RELN: variants seen among roughly 807,000 people sequenced by gnomAD.
RELN encodes reelin.
A neutral mutation model predicts 427.6 loss-of-function variants in RELN; 108 were observed. The observed-to-expected ratio is 0.25, with a 90% confidence interval of 0.22 to 0.30. RELN has a LOEUF of 0.30. RELN is among the 10% of genes least tolerant of loss of function. The pLI is 1.00. For synonymous variants in RELN, 1,524 were observed against 1,513.4 expected (o/e 1.01, Z -0.16); for missense variants, 3,715 against 4,302.8 (o/e 0.86, Z 3.82).
chr7:103,476,705 T>G (rs764872855), intron 64 of RELN: 6 of 388,428 alleles, frequency 1.5e-5, no homozygotes, highest in Non-Finnish European at 1.1e-5. Context: ...ACATGGTTAC[T>G]AAACAGTTAT....
chr7:103,744,623 A>G (rs528191146), intron 6 of RELN, among the ~76,000 whole-genome samples: 1 of 152,352 alleles, frequency 6.6e-6, no homozygotes, highest in Non-Finnish European at 1.5e-5. Context: ...ACCATCAGAG[A>G]ATACTATAAA....
intron 10 of RELN, among the ~76,000 whole-genome samples, chr7:103,697,136 T>G (rs958056971): frequency 6.6e-6 from 1 of 152,082 alleles, no homozygotes; most frequent in Non-Finnish European, 1.5e-5. Flanking sequence ...ACTGGAAGAT[T>G]TGATGTTCGG....
intron 11 of RELN, among the ~76,000 whole-genome samples, chr7:103,665,703 T>C (rs1443276797): frequency 2.6e-5 from 4 of 152,152 alleles, no homozygotes; most frequent in Admixed American, 1.3e-4. Context: ...TTATTTTATT[T>C]ATTCTATGGA....
intron 3 of RELN, among the ~76,000 whole-genome samples, chr7:103,789,276 A>G (rs762262128): frequency 3.0e-4 from 45 of 152,200 alleles, no homozygotes; most frequent in Non-Finnish European, 4.6e-4. Context: ...GGACACAGGC[A>G]TGGGCAAAGA....
intron 21 of RELN, among the ~76,000 whole-genome samples, 161 bp downstream of exon 21, chr7:103,611,449 TC>T (rs1831952964): frequency 6.6e-6 from 1 of 152,222 alleles, no homozygotes. Flanking sequence ...ATTTTTGTAA[TC>T]CTTTGCTGAC....
At chr7:103,745,497 G>C (rs1325583816) in intron 6 of RELN, among the ~76,000 whole-genome samples, 1 of 146,026 alleles carries the variant, frequency 6.8e-6, no homozygotes, top group Admixed American at 6.7e-5. Flanking sequence ...CAGACGACAT[G>C]ATTGTATATC....
chr7:103,951,803 GTTGGGATT>G lies in RELN; in HGVS notation c.227-34626_227-34619del, dbSNP rs1796338297. On this transcript the variant is annotated intron_variant, in intron 1 of 64. Coordinates refer to ENST00000428762, the MANE Select transcript of RELN (RefSeq NM_005045.4). ...TTCTTGTGCCTCAGCCTCCCAAGTA[GTTGGGATT>G]ACAGGCACATGCAACAATGCCTGGC... is the stretch of plus-strand genomic sequence containing the variant. Among the ~76,000 whole-genome samples, 3 of 152,258 alleles carry G rather than the reference GTTGGGATT, an allele frequency of 2.0e-5. No individual in the cohort carries two copies. The South Asian group carries it at 6.2e-4, about 32-fold the overall frequency.
At position 103,926,099 on chromosome 7, in the gene RELN, C is replaced by CTTTTTTTTTT. The variant is rs55899563; in HGVS notation, c.227-8924_227-8915dup. On this transcript the variant is annotated intron_variant, in intron 1 of 64. Transcript: ENST00000428762. The stretch of plus-strand genomic sequence containing the variant: ...CATAAATATATGACCCCCACCCCGC[C>CTTTTTTTTTT]TTTTTTTTTTTTTTTTTTTTGAGAT... 4.6e-4 allele frequency among the ~76,000 whole-genome samples: 41 copies of CTTTTTTTTTT among 90,074 alleles called. 2 individuals are homozygous for CTTTTTTTTTT. The highest frequency in any genetic ancestry group is 7.3e-4 in the Admixed American group (5 of 6,876). 59.1% of individuals were successfully genotyped at this position (90,074 alleles called of 152,430 possible). A position where few individuals can be genotyped will look rare whatever the true frequency, so the allele number is the denominator to read the frequency against.
intron 22 of RELN, among the ~76,000 whole-genome samples, chr7:103,604,993 C>A (rs1831783042): frequency 6.6e-6 from 1 of 152,072 alleles, no homozygotes; most frequent in Non-Finnish European, 1.5e-5. Flanking sequence ...ACATGCCTGG[C>A]TAATTTTTGT....
Position 103,795,830 on chromosome 7 carries a change from G to T in RELN, c.474-19203C>A, listed in dbSNP as rs541594745. Among the ~76,000 whole-genome samples the T allele has an allele frequency of 4.3e-4, 66 of 152,314 alleles. No individual in the cohort carries two copies. In the South Asian group the frequency reaches 0.011, roughly 26 times the overall value. ...ACTATTTGGATTACATTCTGGATAAGTAGCAACAAGGAATACCATTTTGAC... is the reference window on the plus strand; with the variant it reads ...ACTATTTGGATTACATTCTGGATAATTAGCAACAAGGAATACCATTTTGAC... On this transcript the variant is annotated intron_variant, in intron 3 of 64. Transcript: ENST00000428762.
chr7:103,981,613 G>C (rs1796991572), intron 1 of RELN, among the ~76,000 whole-genome samples: 1 of 152,172 alleles, frequency 6.6e-6, no homozygotes, highest in South Asian at 2.1e-4. Context: ...TCAGCTACAA[G>C]TAACAGAAAC....
intron 7 of RELN, 34 bp from the exon 8 acceptor site, chr7:103,723,225 GAC>G: frequency 7.5e-7 from 1 of 1,325,400 alleles, no homozygotes; most frequent in Non-Finnish European, 1.1e-6. Context: ...AATAAGACAA[GAC>G]AGAGAGGAGA....
chr7:103,490,600 A>T, intron 59 of RELN, 68 bp downstream of exon 59: 16 of 1,524,614 alleles, frequency 1.0e-5, no homozygotes, highest in Non-Finnish European at 1.5e-5. Context: ...AGTTGTTTTC[A>T]GCTCACTGCA....
At chr7:103,618,822 A>G (rs1340412692) in intron 20 of RELN, among the ~76,000 whole-genome samples, 2 of 152,138 alleles carry the variant, frequency 1.3e-5, no homozygotes, top group Non-Finnish European at 2.9e-5. Context: ...TTAATTAAGT[A>G]TTTACACTGG....
chr7:103,919,999 C>T (rs950462444), intron 1 of RELN, among the ~76,000 whole-genome samples: 13 of 152,146 alleles, frequency 8.5e-5, no homozygotes, highest in Non-Finnish European at 1.3e-4. Context: ...AGAGATAAAA[C>T]TGCTGTCTAC....
At chr7:103,496,395 A>G in intron 56 of RELN, 131 bp downstream of exon 56, 1 of 1,259,436 alleles carries the variant, frequency 7.9e-7, no homozygotes, top group Non-Finnish European at 1.1e-6. Context: ...GCAAAATAAC[A>G]GCTAACATTT....
intron 8 of RELN, among the ~76,000 whole-genome samples, chr7:103,715,901 T>G (rs1166744949): frequency 1.3e-5 from 2 of 152,220 alleles, no homozygotes; most frequent in East Asian, 3.9e-4. Flanking sequence ...GCCGTCCTCC[T>G]TTCCCCAGGG....
intron 52 of RELN, among the ~76,000 whole-genome samples, chr7:103,501,663 C>T (rs1197082254): frequency 2.0e-5 from 3 of 152,034 alleles, no homozygotes; most frequent in Non-Finnish European, 2.9e-5. Context: ...ACTAAAAACT[C>T]ATTGATCTGA....
At chr7:103,474,846 T>C (rs1290774844) in intron 64 of RELN, among the ~76,000 whole-genome samples, 1 of 150,922 alleles carries the variant, frequency 6.6e-6, no homozygotes, top group Non-Finnish European at 1.5e-5. Flanking sequence ...ACCCCTGAAA[T>C]ACTAAGAAAG....
Sources: gnomAD v4.1 joint callset for allele counts (sites outside exome capture counted in the v4.1 genomes callset) on GRCh38, gnomAD v4.1.1 for gene constraint, MANE v1.5 for transcripts, NCBI Gene and HGNC (gene_info 2026-07-23, HGNC 2026-07-21) for gene names.